Variants in HIVEP3 observed in about 807,000 individuals in gnomAD.
HIVEP3 encodes transcription factor HIVEP3.
A neutral mutation model predicts 152.8 loss-of-function variants in HIVEP3; 49 were observed. The ratio of observed to expected loss-of-function variants is 0.32; its 90% CI spans 0.26 to 0.41. The LOEUF (loss-of-function observed/expected upper bound fraction) is 0.41. HIVEP3 is among the 10% of genes least tolerant of loss of function. The probability of loss-of-function intolerance (pLI) is 1.00; values close to 1 mark genes in which losing one functional copy is unlikely to be tolerated. For missense variants in HIVEP3, 2,790 were observed against 3,103.3 expected (o/e 0.90, Z 2.40); for synonymous variants, 1,269 against 1,289.0 (o/e 0.98, Z 0.33).
chr1:41,554,842 C>T (rs936970127), intron 5 of HIVEP3, among the ~76,000 whole-genome samples: 5 of 152,312 alleles, frequency 3.3e-5, no homozygotes, highest in Admixed American at 1.3e-4. Context: ...GCAAATATTG[C>T]TGCCTGATCC....
intron 2 of HIVEP3, among the ~76,000 whole-genome samples, chr1:41,640,646 C>G (rs1377449388): frequency 6.6e-6 from 1 of 152,236 alleles, no homozygotes; most frequent in African/African-American, 2.4e-5. Context: ...AAAACCTGAG[C>G]TGCTTCCCCG....
rs1644434349 is a variant in HIVEP3 at position 41,510,503 on chromosome 1, T to A, written c.7169A>T (p.Glu2390Val). 3 of 1,595,310 alleles carry A rather than the reference T, an allele frequency of 1.9e-6. No homozygotes were observed. Among genetic ancestry groups the A allele is most frequent in the Non-Finnish European group, 2.6e-6 (3 of 1,171,026 alleles). Residue 2390 changes from glutamate to valine, a missense_variant, in exon 9 of 9, where the codon GAG becomes GTG. Glu to Val is a moderately radical substitution (Grantham distance 121). Coordinates refer to ENST00000372583, the MANE Select transcript of HIVEP3 (RefSeq NM_024503.5). ...AGGCTGATGTGGATGTGCCCTGGGCTCCCCACTTCCTGAGGGCTTGGGGGA... is the reference window on the plus strand; with the variant it reads ...AGGCTGATGTGGATGTGCCCTGGGCACCCCACTTCCTGAGGGCTTGGGGGA... Reference protein sequence around the residue: ...QDSPKPSGSGEPRAHPHQPED... With the variant: ...QDSPKPSGSGVPRAHPHQPED...
chr1:41,606,176 A>G (rs1273245688), intron 3 of HIVEP3, among the ~76,000 whole-genome samples: 2 of 151,840 alleles, frequency 1.3e-5, no homozygotes, highest in Non-Finnish European at 2.9e-5. Flanking sequence ...CTTCCACCCC[A>G]TCTCACAATT....
At chr1:42,000,217 G>A (rs1320582741) in intron 1 of HIVEP3, among the ~76,000 whole-genome samples, 1 of 152,170 alleles carries the variant, frequency 6.6e-6, no homozygotes, top group Non-Finnish European at 1.5e-5. Context: ...CATATCCCAG[G>A]AAAGGTAGCT....
intron 1 of HIVEP3, among the ~76,000 whole-genome samples, chr1:41,984,684 C>A (rs1372860570): frequency 6.6e-6 from 1 of 152,210 alleles, no homozygotes; most frequent in Non-Finnish European, 1.5e-5. Context: ...ACACTGACCA[C>A]TACTAGAAAG....
chr1:41,555,244 A>G lies in HIVEP3; in HGVS notation c.5207+20300T>C, dbSNP rs535526976. On this transcript the variant is annotated intron_variant, in intron 5 of 8. Coordinates refer to ENST00000372583, the MANE Select transcript of HIVEP3 (RefSeq NM_024503.5). ...TGCCAGGCTGCTGCCTTGCAGGTTG[A>G]TCTCAGACTGCTGCATTAGCAGTGA... Among the ~76,000 whole-genome samples the G allele has an allele frequency of 4.6e-5, 7 of 152,326 alleles. 1 individual carries two copies. The South Asian group carries it at 1.5e-3, about 32-fold the overall frequency.
At chr1:41,718,577 C>T in intron 1 of HIVEP3, among the ~76,000 whole-genome samples, 1 of 152,158 alleles carries the variant, frequency 6.6e-6, no homozygotes, top group Non-Finnish European at 1.5e-5. Context: ...CTGCCCCAGC[C>T]ACCCGGCTTA....
intron 1 of HIVEP3, among the ~76,000 whole-genome samples, chr1:41,916,872 G>A (rs960932282): frequency 8.5e-5 from 13 of 152,272 alleles, no homozygotes; most frequent in Admixed American, 8.5e-4. Flanking sequence ...AGGCCCTGCA[G>A]GGGTCCTTCT....
At chr1:41,641,771 G>A (rs916450541) in intron 2 of HIVEP3, among the ~76,000 whole-genome samples, 3 of 152,200 alleles carry the variant, frequency 2.0e-5, no homozygotes, top group African/African-American at 4.8e-5. Flanking sequence ...AACCCTCAGA[G>A]CCACCCCCAA....
At chr1:41,540,598 C>A (rs953155023) in intron 5 of HIVEP3, among the ~76,000 whole-genome samples, 3 of 152,164 alleles carry the variant, frequency 2.0e-5, no homozygotes, top group African/African-American at 7.2e-5. Context: ...CAGATCTGTT[C>A]CCCACCAGTT....
chr1:41,520,789 A>T (rs186587864), intron 6 of HIVEP3, among the ~76,000 whole-genome samples: 58 of 152,342 alleles, frequency 3.8e-4, no homozygotes, highest in Admixed American at 9.8e-4. Context: ...AAGGAGCTTC[A>T]AAGTCCATGT....
chr1:41,821,958 T>A (rs894089393), intron 1 of HIVEP3, among the ~76,000 whole-genome samples: 4 of 152,102 alleles, frequency 2.6e-5, no homozygotes, highest in Admixed American at 6.6e-5. Flanking sequence ...GATGTGAAGG[T>A]CCTCCTTCAT....
At chr1:41,720,334 A>C (rs60458257) in intron 1 of HIVEP3, among the ~76,000 whole-genome samples, 2,102 of 152,330 alleles carry the variant, frequency 0.014, 47 homozygotes, top group African/African-American at 0.048. Context: ...GACATTCAAC[A>C]AATAGAATGG....
rs145420483 is a variant in HIVEP3, at chr1:41,988,641, T to C, written n.119+47166A>G. Among the ~76,000 whole-genome samples the C allele has an allele frequency of 5.6e-3, 860 of 152,342 alleles. 10 individuals are homozygous for C. Among genetic ancestry groups the C allele is most frequent in the African/African-American group, 0.02 (819 of 41,588 alleles). ...GGAATGTAAGATAGTACAGCCATTA[T>C]GAAAACCAGTAGGGAAGTTCCTCAA... is the stretch of plus-strand genomic sequence containing the variant. On this transcript the variant is annotated intron_variant and non_coding_transcript_variant, in intron 1 of 3. Transcript: ENST00000489103.
rs1643966140 is a variant in HIVEP3 at position 41,556,334 on chromosome 1, T to C, written c.5207+19210A>G. Among the ~76,000 whole-genome samples, 2 of 152,234 alleles carry C rather than the reference T, an allele frequency of 1.3e-5. 1 individual carries two copies. Among genetic ancestry groups the C allele is most frequent in the African/African-American group, 4.8e-5 (2 of 41,466 alleles). On this transcript the variant is annotated intron_variant, in intron 5 of 8. Transcript: ENST00000372583. ...AATAGCCCTCCTAGAGGGTGTGAAG[T>C]AGTATCTCATTGTAGTTTGGACTTT...
chr1:41,676,611 A>G (rs906231572), intron 2 of HIVEP3, among the ~76,000 whole-genome samples: 2 of 152,174 alleles, frequency 1.3e-5, no homozygotes, highest in African/African-American at 4.8e-5. Flanking sequence ...GCTTTCATCC[A>G]TCTCAGGGTA....
chr1:41,548,862 ATTATT>A (rs565553917), intron 5 of HIVEP3, among the ~76,000 whole-genome samples: 16 of 151,934 alleles, frequency 1.1e-4, no homozygotes, highest in African/African-American at 3.1e-4. Flanking sequence ...TTTCCAACTC[ATTATT>A]TTATTTTATT....
intron 1 of HIVEP3, among the ~76,000 whole-genome samples, chr1:41,837,049 T>A (rs1643144672): frequency 6.6e-6 from 1 of 152,206 alleles, no homozygotes; most frequent in South Asian, 2.1e-4. Context: ...GGCCTTGCCC[T>A]TCTCTTCAGC....
chr1:42,006,539 T>A (rs958636070), intron 1 of HIVEP3, among the ~76,000 whole-genome samples: 1 of 149,934 alleles, frequency 6.7e-6, no homozygotes, highest in Non-Finnish European at 1.5e-5. Flanking sequence ...TAACATATTT[T>A]ATGAAAAATA....
Sources: gnomAD v4.1 joint callset for allele counts (sites outside exome capture counted in the v4.1 genomes callset) on GRCh38, gnomAD v4.1.1 for gene constraint, MANE v1.5 for transcripts, NCBI Gene and HGNC (gene_info 2026-07-23, HGNC 2026-07-21) for gene names.